The following C5 variants were observed in gnomAD, a reference collection of about 807,000 sequenced individuals.
The protein encoded by C5 is C3 and PZP-like alpha-2-macroglobulin domain-containing protein 4.
A neutral mutation model predicts 218.8 loss-of-function variants in C5; 140 were observed. The observed-to-expected ratio is 0.64, with a 90% CI of 0.56 to 0.74. C5 has a LOEUF of 0.74. C5 is among the 30% of genes least tolerant of loss of function. C5 has a pLI of 0.00. For synonymous variants in C5, 614 were observed against 682.3 expected, an observed-to-expected ratio of 0.90 and a Z score of 1.56; for missense variants, 1,700 against 1,969.6, an observed-to-expected ratio of 0.86 and a Z score of 2.59.
intron 39 of C5, among the ~76,000 whole-genome samples, chr9:120,955,199 T>C (rs2046775930): frequency 6.6e-6 from 1 of 152,244 alleles, no homozygotes; most frequent in South Asian, 2.1e-4. Context: ...GTGGTATTTT[T>C]ATATTTATAA....
At chr9:120,978,989 A>C (rs902228536) in intron 28 of C5, among the ~76,000 whole-genome samples, 7 of 152,152 alleles carry the variant, frequency 4.6e-5, no homozygotes, top group Non-Finnish European at 8.8e-5. Flanking sequence ...CACAGGCTAG[A>C]TTTCAGCCTC....
chr9:120,991,773 T>C (rs1292588363), intron 22 of C5, among the ~76,000 whole-genome samples: 1 of 152,184 alleles, frequency 6.6e-6, no homozygotes, highest in Non-Finnish European at 1.5e-5. Context: ...TATCAGATAA[T>C]TTTTCTACTG....
chr9:120,981,266 GTTTTGTTTTGTGCTTCCAGT>G (rs1018376566), intron 27 of C5, among the ~76,000 whole-genome samples: 8 of 152,138 alleles, frequency 5.3e-5, no homozygotes, highest in African/African-American at 1.9e-4. Context: ...AAAACAAATG[GTTTTGTTTTGTGCTTCCAGT>G]TTTGCAAATC....
chr9:121,001,704 A>G (rs2047162830), intron 20 of C5, among the ~76,000 whole-genome samples: 3 of 152,154 alleles, frequency 2.0e-5, no homozygotes, highest in Non-Finnish European at 4.4e-5. Context: ...AAAAATGTTT[A>G]TTCCCCCAAA....
chr9:120,974,925 T>C lies in C5; in HGVS notation c.3871A>G (p.Ile1291Val), dbSNP rs200674959. Residue 1291 changes from isoleucine (I) to valine (V), a missense_variant, in exon 30 of 41, where the codon ATC becomes GTC. Physicochemically the swap from Ile to Val is conservative, Grantham distance 29. Transcript: ENST00000223642. ...GGGFYSTQDT[I>V]NAIEGLTEYS... ...TCCGTCAGGCCCTCAATGGCATTGA[T>C]TGTGTCCTGTCAGCAATCAGCAAGG... The C allele has an allele frequency of 2.1e-4, 344 of 1,614,076 alleles. 1 individual carries two copies. The highest frequency in any genetic ancestry group is 2.5e-4 in the Non-Finnish European group (292 of 1,180,026).
Position 120,981,847 on chromosome 9 carries a change from C to G in C5, c.3483G>C (p.Leu1161=). The G allele has an allele frequency of 6.2e-7, 1 of 1,608,178 alleles. No individual in the cohort carries two copies. Among genetic ancestry groups the G allele is most frequent in the African/African-American group, 1.3e-5 (1 of 74,854 alleles). Residue 1161 remains leucine (L), a synonymous_variant, in exon 27 of 41, where the codon CTG becomes CTC. Transcript: ENST00000223642. ...GAGAAAGAAAACTCTTACTTACCAC[C>G]AGGGGGCATATATCGAAAGCCTTTC... The part of the protein sequence containing the change: ...GIRKAFDICP[L]VKIDTALIKA...
intron 6 of C5, among the ~76,000 whole-genome samples, chr9:121,031,682 G>T (rs887661319): frequency 1.3e-5 from 2 of 152,168 alleles, no homozygotes; most frequent in African/African-American, 2.4e-5. Flanking sequence ...CTAGCCATAC[G>T]TACAGGCTGC....
chr9:120,969,932 C>T (rs1181831592), intron 32 of C5, among the ~76,000 whole-genome samples: 1 of 152,112 alleles, frequency 6.6e-6, no homozygotes, highest in Non-Finnish European at 1.5e-5. Flanking sequence ...ATTTATTGAT[C>T]AATAGCAAAT....
intron 25 of C5, among the ~76,000 whole-genome samples, chr9:120,988,480 G>T (rs1458053826): frequency 6.6e-6 from 1 of 152,164 alleles, no homozygotes; most frequent in Non-Finnish European, 1.5e-5. Flanking sequence ...GAGTATTCCA[G>T]ACTGAGAAAA....
At chr9:120,987,631 C>G (rs1463195312) in intron 25 of C5, among the ~76,000 whole-genome samples, 2 of 107,752 alleles carry the variant, frequency 1.9e-5, no homozygotes, top group African/African-American at 6.1e-5. Context: ...AGCAAGACTC[C>G]GTCTCAAAAA....
At chr9:121,067,269 A>C in the C5 span, among the ~76,000 whole-genome samples, 7 of 149,802 alleles carry the variant, frequency 4.7e-5, no homozygotes, top group Non-Finnish European at 3.0e-5. Context: ...CTCCATCTCA[A>C]AAAAAAAAAT....
At chr9:121,074,561 A>G in the C5 span, among the ~76,000 whole-genome samples, 2 of 152,194 alleles carry the variant, frequency 1.3e-5, no homozygotes, top group African/African-American at 4.8e-5. Flanking sequence ...CATAGCGCGC[A>G]AGCATCAGAA....
intron 38 of C5, 50 bp from the exon 39 acceptor site, chr9:120,957,418 T>C (rs780288664): frequency 3.6e-6 from 5 of 1,375,112 alleles, no homozygotes; most frequent in Non-Finnish European, 5.2e-6. Flanking sequence ...ATACTATTAA[T>C]GCTATGTCCA....
the C5 span, chr9:121,074,829 C>A: frequency 2.2e-6 from 1 of 456,208 alleles, no homozygotes; most frequent in East Asian, 6.9e-5. Flanking sequence ...CCCAAGACTC[C>A]CCGGCATCCT....
chr9:120,999,341 C>A (rs2047141607), intron 20 of C5, among the ~76,000 whole-genome samples: 1 of 152,124 alleles, frequency 6.6e-6, no homozygotes, highest in Non-Finnish European at 1.5e-5. Flanking sequence ...AAGTGTCCCG[C>A]TTTTTATAGC....
chr9:121,074,537 TAAG>T, the C5 span, among the ~76,000 whole-genome samples: 3 of 152,144 alleles, frequency 2.0e-5, no homozygotes, highest in Non-Finnish European at 4.4e-5. Flanking sequence ...AGTGTGCTGA[TAAG>T]AACACTCGCT....
At chr9:120,956,055 G>C (rs1469474015) in intron 39 of C5, among the ~76,000 whole-genome samples, 2 of 152,160 alleles carry the variant, frequency 1.3e-5, no homozygotes, top group African/African-American at 4.8e-5. Flanking sequence ...CAGCATTTCA[G>C]GAGGCTGAGG....
At chr9:120,957,260 A>G in intron 39 of C5, 25 bp downstream of exon 39, 2 of 1,497,058 alleles carry the variant, frequency 1.3e-6, no homozygotes, top group Non-Finnish European at 1.9e-6. Context: ...TGAATGAAGG[A>G]ACGAATGAAC....
chr9:120,961,449 G>A, intron 37 of C5, 33 bp downstream of exon 37: 9 of 1,367,716 alleles, frequency 6.6e-6, no homozygotes, highest in Non-Finnish European at 9.4e-6. Flanking sequence ...CTTTAAATAA[G>A]CATGCAGCCT....
Sources: allele counts gnomAD v4.1 joint callset (sites outside exome capture counted in the v4.1 genomes callset), GRCh38; gene constraint gnomAD v4.1.1; transcripts MANE v1.5; gene names NCBI Gene and HGNC (gene_info 2026-07-23, HGNC 2026-07-21).